The following LIPK variants were observed in gnomAD, a reference collection of about 807,000 sequenced individuals.
LIPK encodes the protein lipase member K.
A neutral mutation model predicts 48.6 loss-of-function variants in LIPK; 32 were observed. The ratio of observed to expected loss-of-function variants is 0.66; its 90% confidence interval spans 0.50 to 0.88. The LOEUF (loss-of-function observed/expected upper bound fraction) is 0.88. LIPK is among the 40% of genes least tolerant of loss of function. LIPK has a pLI of 0.00. For synonymous variants in LIPK, 164 were observed against 157.4 expected (o/e 1.04, Z -0.32); for missense variants, 507 against 478.5 (o/e 1.06, Z -0.56).
intron 8 of LIPK, 94 bp from the exon 9 acceptor site, chr10:88,743,156 G>T: frequency 5.7e-6 from 4 of 700,920 alleles, no homozygotes; most frequent in East Asian, 2.8e-5. Flanking sequence ...AAAGACTGGG[G>T]CATAATGTTA....
chr10:88,735,343 T>G (rs1323460841), intron 6 of LIPK, among the ~76,000 whole-genome samples: 1 of 152,160 alleles, frequency 6.6e-6, no homozygotes, highest in Non-Finnish European at 1.5e-5. Context: ...TTTTGACGTG[T>G]CTCTACAACA....
rs1842487223 is a variant in LIPK, at chr10:88,732,454, A to T, written c.572A>T (p.Lys191Met). ...AFSTNPELAKKIKIFFALAPV... is the reference protein window; with the variant it reads ...AFSTNPELAKMIKIFFALAPV... ...TCTACAAACCCAGAACTGGCTAAAA[A>T]GATTAAGATATTTTTTGCACTGGCT... is the stretch of plus-strand genomic sequence containing the variant. Residue 191 changes from lysine (K) to methionine (M), a missense_variant, in exon 6 of 10, where the codon AAG (lysine) becomes ATG (methionine). Coordinates refer to ENST00000404190, the MANE Select transcript of LIPK (RefSeq NM_001080518.2). The T allele has an allele frequency of 6.2e-7, 1 of 1,613,564 alleles. No individual in the cohort carries two copies. The highest frequency in any genetic ancestry group is 1.3e-5 in the African/African-American group (1 of 74,922).
chr10:88,725,116 T>C (rs982323971), intron 2 of LIPK, among the ~76,000 whole-genome samples: 3 of 152,200 alleles, frequency 2.0e-5, no homozygotes, highest in African/African-American at 7.2e-5. Flanking sequence ...AAAGGCCAAA[T>C]GACAAATATC....
At chr10:88,730,035 A>G (rs1039657974) in intron 3 of LIPK, among the ~76,000 whole-genome samples, 3 of 152,164 alleles carry the variant, frequency 2.0e-5, no homozygotes, top group African/African-American at 7.2e-5. Context: ...ACAATTTTAA[A>G]CTGTAAATTT....
chr10:88,724,711 A>G (rs1842300496), intron 2 of LIPK, 63 bp downstream of exon 2: 3 of 1,165,326 alleles, frequency 2.6e-6, no homozygotes, highest in East Asian at 5.3e-5. Context: ...AGCATTTTAG[A>G]TACAACTGGT....
In LIPK at chr10:88,731,137, A is replaced by G. The variant is rs768432829; in HGVS notation, c.378A>G (p.Lys126=). Residue 126 remains lysine, a synonymous_variant, in exon 4 of 10, where the codon AAA becomes AAG. Transcript: ENST00000404190. The stretch of plus-strand genomic sequence containing the variant: ...GCCGAGGAAACACTTGGTCCAGAAA[A>G]CACCTTAAATTGTCACCGAAATCAC... ...GNSRGNTWSR[K]HLKLSPKSPE... is the part of the protein sequence containing the mutation. 11 of 1,598,824 alleles carry G rather than the reference A, an allele frequency of 6.9e-6. No homozygotes were observed. In the South Asian group the frequency reaches 1.1e-4, roughly 17 times the overall value.
At chr10:88,720,540 G>A (rs757561089) in intron 1 of LIPK, among the ~76,000 whole-genome samples, 5 of 151,968 alleles carry the variant, frequency 3.3e-5, no homozygotes, top group East Asian at 1.9e-4. Context: ...TAAAAAAGAC[G>A]GCAGAAAAGT....
At chr10:88,742,772 A>AT (rs1299800934) in intron 8 of LIPK, among the ~76,000 whole-genome samples, 1 of 152,076 alleles carries the variant, frequency 6.6e-6, no homozygotes, top group African/African-American at 2.4e-5. Context: ...AGTAAAAAAA[A>AT]AAAGTTTAAG....
chr10:88,708,874 A>G (rs1164530284), intron 1 of LIPK, among the ~76,000 whole-genome samples: 4 of 152,114 alleles, frequency 2.6e-5, no homozygotes, highest in Non-Finnish European at 4.4e-5. Flanking sequence ...ATTCTCTGCA[A>G]CTAAAAGGTC....
chr10:88,743,149 G>T, intron 8 of LIPK, 101 bp from the exon 9 acceptor site: 2 of 653,214 alleles, frequency 3.1e-6, no homozygotes, highest in South Asian at 2.3e-5. Flanking sequence ...TGTTTCTAAA[G>T]ACTGGGGCAT....
intron 9 of LIPK, among the ~76,000 whole-genome samples, chr10:88,752,012 A>G (rs1716519663): frequency 2.6e-5 from 4 of 152,182 alleles, no homozygotes; most frequent in Admixed American, 2.6e-4. Flanking sequence ...AGAGTGCTAT[A>G]GCCACTCTAG....
intron 1 of LIPK, among the ~76,000 whole-genome samples, chr10:88,709,332 T>A (rs1044807556): frequency 2.0e-5 from 3 of 152,218 alleles, no homozygotes; most frequent in African/African-American, 4.8e-5. Flanking sequence ...ATGTGCAGAA[T>A]GTGTAGGTTT....
Position 88,752,568 on chromosome 10 carries a change from T to C in LIPK, c.1012T>C (p.Trp338Arg). The change falls in exon 10 of 10, where the codon TGG becomes CGG. Residue 338 changes from tryptophan to arginine, a missense_variant. Coordinates refer to ENST00000404190, the MANE Select transcript of LIPK (RefSeq NM_001080518.2). ...ITKMEVPTAI[W>R]NGGQDIVADP... is the part of the protein sequence containing the mutation. ...TAAGATGGAAGTTCCAACAGCAATA[T>C]GGAATGGTGGACAGGACATTGTGGC... 2 of 1,570,014 alleles carry C rather than the reference T, an allele frequency of 1.3e-6. No individual in the cohort carries two copies. Among genetic ancestry groups the C allele is most frequent in the Non-Finnish European group, 1.7e-6 (2 of 1,154,338 alleles).
At chr10:88,711,578 T>A (rs1386887791) in intron 1 of LIPK, among the ~76,000 whole-genome samples, 1 of 152,138 alleles carries the variant, frequency 6.6e-6, no homozygotes, top group Non-Finnish European at 1.5e-5. Flanking sequence ...GTTCAAGTGA[T>A]TATCATATCT....
intron 1 of LIPK, among the ~76,000 whole-genome samples, chr10:88,707,787 C>A (rs1043775622): frequency 1.3e-5 from 2 of 152,098 alleles, no homozygotes; most frequent in African/African-American, 2.4e-5. Context: ...TTAATAGTCT[C>A]CTCAGTCTTC....
intron 6 of LIPK, among the ~76,000 whole-genome samples, chr10:88,735,569 A>C (rs1050827989): frequency 6.6e-6 from 1 of 152,240 alleles, no homozygotes; most frequent in Non-Finnish European, 1.5e-5. Flanking sequence ...GTTAGTGAAC[A>C]AGGGTGACCA....
chr10:88,744,542 T>A (rs1444427462), intron 9 of LIPK, among the ~76,000 whole-genome samples: 1 of 152,112 alleles, frequency 6.6e-6, no homozygotes, highest in African/African-American at 2.4e-5. Context: ...TACCCTGAAG[T>A]CATCCAGAAA....
At chr10:88,727,491 C>T (rs1175313340) in intron 3 of LIPK, 1 of 161,718 alleles carries the variant, frequency 6.2e-6, no homozygotes, top group Non-Finnish European at 1.3e-5. Flanking sequence ...AGCATCTCAG[C>T]TTGTCAAATC....
At chr10:88,719,784 T>C (rs761506961) in intron 1 of LIPK, among the ~76,000 whole-genome samples, 2 of 152,184 alleles carry the variant, frequency 1.3e-5, no homozygotes, top group African/African-American at 2.4e-5. Context: ...AGTGTTTGCT[T>C]GATGAGCCTG....
Sources: gnomAD v4.1 joint callset for allele counts (sites outside exome capture counted in the v4.1 genomes callset) on GRCh38, gnomAD v4.1.1 for gene constraint, MANE v1.5 for transcripts, NCBI Gene and HGNC (gene_info 2026-07-23, HGNC 2026-07-21) for gene names.